Variants in ACYP2 observed in about 807,000 individuals in gnomAD.
ACYP2 encodes the protein acylphosphatase 2.
A neutral mutation model predicts 11.2 loss-of-function variants in ACYP2; 12 were observed. That is an observed-to-expected ratio of 1.08 (90% confidence interval 0.69 to 1.74). ACYP2 has a LOEUF of 1.74. Among genes scored for constraint, ACYP2 ranks in the 40% most tolerant of loss-of-function variants. The pLI is 0.00. For synonymous variants in ACYP2, 43 were observed against 32.2 expected (o/e 1.33, Z -1.13); for missense variants, 134 against 101.9 (o/e 1.31, Z -1.35).
chr2:54,175,223 T>G (rs552059647), intron 6 of ACYP2, among the ~76,000 whole-genome samples: 2 of 152,268 alleles, frequency 1.3e-5, no homozygotes, highest in South Asian at 4.1e-4. Context: ...TTACTGGTCT[T>G]TTCAGAGATT....
intron 2 of ACYP2, among the ~76,000 whole-genome samples, chr2:54,046,189 AAAAG>A (rs1675512637): frequency 1.3e-5 from 2 of 151,064 alleles, no homozygotes; most frequent in East Asian, 1.9e-4. Flanking sequence ...AAAAAAAAAA[AAAAG>A]GTCCAGGCGC....
chr2:54,125,586 C>A (rs1486792702), intron 4 of ACYP2, among the ~76,000 whole-genome samples: 2 of 151,642 alleles, frequency 1.3e-5, no homozygotes, highest in African/African-American at 4.8e-5. Context: ...CCTGTCTCTA[C>A]TAAAAATACA....
intron 2 of ACYP2, among the ~76,000 whole-genome samples, chr2:54,043,725 T>A (rs1374714573): frequency 6.6e-6 from 1 of 152,164 alleles, no homozygotes; most frequent in Non-Finnish European, 1.5e-5. Flanking sequence ...GCTGGTTACT[T>A]ATATGTATCC....
intron 6 of ACYP2, among the ~76,000 whole-genome samples, chr2:54,188,960 C>G (rs570045753): frequency 1.3e-5 from 2 of 152,222 alleles, no homozygotes; most frequent in East Asian, 1.9e-4. Flanking sequence ...CAAGGACTTT[C>G]TCCTGCACCT....
chr2:54,055,733 C>T (rs1326091751), intron 3 of ACYP2, among the ~76,000 whole-genome samples: 1 of 152,182 alleles, frequency 6.6e-6, no homozygotes, highest in African/African-American at 2.4e-5. Flanking sequence ...TGCTGTTCAA[C>T]AAATTACATG....
chr2:54,055,386 AATT>A (rs1180896116), intron 3 of ACYP2, among the ~76,000 whole-genome samples: 4 of 152,176 alleles, frequency 2.6e-5, no homozygotes, highest in Non-Finnish European at 5.9e-5. Context: ...GGAATAATAA[AATT>A]ATTATTTATA....
chr2:54,023,294 A>G (rs183755141), intron 2 of ACYP2, among the ~76,000 whole-genome samples: 3 of 152,278 alleles, frequency 2.0e-5, no homozygotes, highest in Admixed American at 1.3e-4. Flanking sequence ...TCTTATGGAA[A>G]GTATGTGTTT....
At chr2:54,225,983 G>C (rs1430532710) in intron 6 of ACYP2, among the ~76,000 whole-genome samples, 1 of 152,058 alleles carries the variant, frequency 6.6e-6, no homozygotes, top group Admixed American at 6.6e-5. Flanking sequence ...ATTATCTACG[G>C]TATTTAATGT....
chr2:54,121,877 C>T (rs1034023379), intron 4 of ACYP2, among the ~76,000 whole-genome samples: 11 of 152,340 alleles, frequency 7.2e-5, no homozygotes, highest in Middle Eastern at 6.8e-3. Context: ...TACACGGCTA[C>T]GCCTCTAGTG....
intron 6 of ACYP2, among the ~76,000 whole-genome samples, chr2:54,211,359 T>A (rs569460331): frequency 6.1e-4 from 93 of 152,366 alleles, no homozygotes; most frequent in African/African-American, 2.1e-3. Context: ...TAAAGCCACT[T>A]AAAGTATAGC....
At chr2:54,174,294 A>C (rs1683344530) in intron 6 of ACYP2, among the ~76,000 whole-genome samples, 1 of 152,176 alleles carries the variant, frequency 6.6e-6, no homozygotes, top group Non-Finnish European at 1.5e-5. Flanking sequence ...CTTTGAAGCA[A>C]TTGTGAATGG....
At chr2:54,057,642 A>G (rs1676227178) in intron 4 of ACYP2, among the ~76,000 whole-genome samples, 1 of 152,242 alleles carries the variant, frequency 6.6e-6, no homozygotes, top group East Asian at 1.9e-4. Context: ...CTCTAGATTA[A>G]TAGGTTCTGA....
At chr2:54,211,510 G>A (rs1282753129) in intron 6 of ACYP2, among the ~76,000 whole-genome samples, 1 of 152,146 alleles carries the variant, frequency 6.6e-6, no homozygotes, top group African/African-American at 2.4e-5. Flanking sequence ...ACCTAGTTTG[G>A]TTTAAAGTAT....
At chr2:54,302,407 G>A (rs1192119861) in intron 6 of ACYP2, among the ~76,000 whole-genome samples, 5 of 152,122 alleles carry the variant, frequency 3.3e-5, no homozygotes, top group African/African-American at 1.2e-4. Context: ...CTGGGCACCA[G>A]TTTTTCCTCA....
intron 6 of ACYP2, among the ~76,000 whole-genome samples, chr2:54,267,772 G>A (rs1688103762): frequency 6.6e-6 from 1 of 152,300 alleles, no homozygotes; most frequent in African/African-American, 2.4e-5. Context: ...TTTTCAAGCA[G>A]CTTCCCTTGG....
intron 6 of ACYP2, among the ~76,000 whole-genome samples, chr2:54,224,249 C>T (rs970507883): frequency 1.3e-5 from 2 of 152,182 alleles, no homozygotes; most frequent in Admixed American, 6.5e-5. Flanking sequence ...ATAGCTTGTA[C>T]CTGTGTTCAG....
chr2:54,095,687 G>C (rs1313379390), intron 4 of ACYP2, among the ~76,000 whole-genome samples: 2 of 130,534 alleles, frequency 1.5e-5, no homozygotes, highest in Non-Finnish European at 3.3e-5. Context: ...CCTCCTGGAC[G>C]GGGCGGCTGG....
At chr2:53,973,194 A>G (rs1416066431) in intron 1 of ACYP2, among the ~76,000 whole-genome samples, 2 of 152,220 alleles carry the variant, frequency 1.3e-5, no homozygotes, top group Non-Finnish European at 2.9e-5. Flanking sequence ...TTATTGATAA[A>G]GCGCATAAGA....
intron 4 of ACYP2, among the ~76,000 whole-genome samples, chr2:54,088,882 C>T (rs1004315428): frequency 1.3e-5 from 2 of 152,214 alleles, no homozygotes; most frequent in East Asian, 1.9e-4. Flanking sequence ...ACATTCCTAT[C>T]GGTCACCATA....
Sources: gnomAD v4.1 joint callset for allele counts (sites outside exome capture counted in the v4.1 genomes callset) on GRCh38, gnomAD v4.1.1 for gene constraint, MANE v1.5 for transcripts, NCBI Gene and HGNC (gene_info 2026-07-23, HGNC 2026-07-21) for gene names.